The following FAM81B variants were observed in gnomAD, a reference collection of about 807,000 sequenced individuals.
The protein encoded by FAM81B is protein FAM81B.
FAM81B carries 60 observed loss-of-function variants against 58.7 expected under a neutral mutation model. The observed-to-expected ratio is 1.02, with a 90% CI of 0.83 to 1.27. FAM81B has a LOEUF of 1.27. Among genes scored for constraint, FAM81B ranks in the 50% most tolerant of loss-of-function variants. The pLI is 0.00. For missense variants in FAM81B, 491 were observed against 522.0 expected (o/e 0.94, Z 0.58); for synonymous variants, 189 against 179.6 (o/e 1.05, Z -0.42).
intron 6 of FAM81B, among the ~76,000 whole-genome samples, chr5:95,433,347 C>T (rs1455963077): frequency 6.6e-6 from 1 of 152,082 alleles, no homozygotes; most frequent in Admixed American, 6.6e-5. Flanking sequence ...CATCAGATCT[C>T]ATGAGAACTC....
chr5:95,428,189 A>G (rs1269805066), intron 5 of FAM81B, among the ~76,000 whole-genome samples: 1 of 152,214 alleles, frequency 6.6e-6, no homozygotes, highest in Non-Finnish European at 1.5e-5. Flanking sequence ...AAAAGAGGAT[A>G]AAGAGAGGAA....
chr5:95,449,202 T>C (rs1745700895), intron 9 of FAM81B, among the ~76,000 whole-genome samples: 1 of 152,214 alleles, frequency 6.6e-6, no homozygotes, highest in Admixed American at 6.5e-5. Context: ...AATTTGGTCC[T>C]GTATAGAGAT....
Position 95,420,398 on chromosome 5 carries a change from G to A in FAM81B, c.652G>A (p.Ala218Thr), listed in dbSNP as rs1762647112. The change falls in exon 5 of 10, where the codon GCC becomes ACC. Residue 218 changes from alanine to threonine, a missense_variant. Physicochemically the swap from Ala to Thr is moderately conservative, Grantham distance 58. Coordinates refer to ENST00000283357, the MANE Select transcript of FAM81B (RefSeq NM_152548.3). ...AGTTGGAGATCTTCGAGGAAGAGTAGCCAGGTGAGAAGAAGCATGTTGACT... is the reference window on the plus strand; with the variant it reads ...AGTTGGAGATCTTCGAGGAAGAGTAACCAGGTGAGAAGAAGCATGTTGACT... The part of the protein sequence containing the change: ...QGVGDLRGRV[A>T]RCDSSIVKLS... 1.2e-6 allele frequency: 2 copies of A among 1,613,580 alleles called. No individual in the cohort carries two copies. The highest frequency in any genetic ancestry group is 8.5e-7 in the Non-Finnish European group (1 of 1,179,596).
At chr5:95,400,306 C>G (rs1195336982) in intron 3 of FAM81B, among the ~76,000 whole-genome samples, 2 of 151,940 alleles carry the variant, frequency 1.3e-5, no homozygotes. Flanking sequence ...TTTGGGAGTC[C>G]CTGGCACTCC....
chr5:95,444,358 A>G (rs1745474973), intron 7 of FAM81B, among the ~76,000 whole-genome samples: 1 of 152,218 alleles, frequency 6.6e-6, no homozygotes, highest in African/African-American at 2.4e-5. Context: ...AATTTTGGAG[A>G]AAAATTAAGT....
chr5:95,421,462 G>A (rs892767500), intron 5 of FAM81B, among the ~76,000 whole-genome samples: 4 of 152,220 alleles, frequency 2.6e-5, no homozygotes, highest in African/African-American at 9.6e-5. Flanking sequence ...TGGGAGAATG[G>A]CATTTTGGTT....
At chr5:95,441,876 CTTGGCCATCAGGAAATAAAGCTGTCT>C (rs541361537) in intron 7 of FAM81B, among the ~76,000 whole-genome samples, 1 of 152,278 alleles carries the variant, frequency 6.6e-6, no homozygotes, top group East Asian at 1.9e-4. Flanking sequence ...CAGCAAGAGT[CTTGGCCATCAGGAAATAAAGCTGTCT>C]TTTAACAAGG....
chr5:95,416,039 A>G (rs1762531093), intron 4 of FAM81B, among the ~76,000 whole-genome samples: 2 of 152,324 alleles, frequency 1.3e-5, no homozygotes, highest in South Asian at 4.1e-4. Context: ...CTACAATCCT[A>G]TTAAGGGTTT....
intron 3 of FAM81B, among the ~76,000 whole-genome samples, chr5:95,412,536 C>G (rs532829255): frequency 6.6e-6 from 1 of 152,108 alleles, no homozygotes; most frequent in Non-Finnish European, 1.5e-5. Context: ...TATTTTTAAA[C>G]CATATGGGGT....
chr5:95,403,791 T>C (rs1018680701), intron 3 of FAM81B, among the ~76,000 whole-genome samples: 1 of 152,334 alleles, frequency 6.6e-6, no homozygotes, highest in South Asian at 2.1e-4. Context: ...AGAAGCCCCA[T>C]AGCAGGTTTC....
At chr5:95,436,372 G>T (rs1479955335) in intron 6 of FAM81B, among the ~76,000 whole-genome samples, 1 of 152,098 alleles carries the variant, frequency 6.6e-6, no homozygotes, top group East Asian at 1.9e-4. Context: ...AGTATTTGTT[G>T]AGCATTTACC....
intron 3 of FAM81B, among the ~76,000 whole-genome samples, chr5:95,412,333 G>A (rs1762427580): frequency 6.6e-6 from 1 of 152,140 alleles, no homozygotes; most frequent in South Asian, 2.1e-4. Context: ...CATTCCACAT[G>A]CACTCATATG....
At chr5:95,398,418 CTAAATAAATAAA>C (rs5869676) in intron 3 of FAM81B, among the ~76,000 whole-genome samples, 24 of 142,428 alleles carry the variant, frequency 1.7e-4, no homozygotes, top group East Asian at 4.1e-4. Context: ...AACTCAATCT[CTAAATAAATAAA>C]TAAATAAATA....
intron 3 of FAM81B, among the ~76,000 whole-genome samples, chr5:95,413,010 T>C (rs1306738834): frequency 6.6e-6 from 1 of 152,212 alleles, no homozygotes; most frequent in African/African-American, 2.4e-5. Flanking sequence ...GAGGAACCTC[T>C]ATATCGGCAA....
intron 7 of FAM81B, chr5:95,440,662 A>T: frequency 1.1e-6 from 1 of 876,420 alleles, no homozygotes; most frequent in Non-Finnish European, 1.6e-6. Flanking sequence ...CCAAGGACAG[A>T]CCACAGACTG....
At position 95,441,541 on chromosome 5, in the gene FAM81B, C is replaced by T. The variant is rs114872224; in HGVS notation, c.893+4635C>T. Among the ~76,000 whole-genome samples the T allele has an allele frequency of 5.7e-3, 859 of 151,932 alleles. 2 individuals are homozygous for T. Among genetic ancestry groups the T allele is most frequent in the South Asian group, 0.012 (58 of 4,792 alleles). ...CAGAGATCGTGCCACTCTCCTCCAG[C>T]CTGGCGACAGAGTGAGACTCTGTAT... is the stretch of plus-strand genomic sequence containing the variant. On this transcript the variant is annotated intron_variant, in intron 7 of 9. Transcript: ENST00000283357.
At chr5:95,424,856 T>C (rs534725779) in intron 5 of FAM81B, among the ~76,000 whole-genome samples, 1 of 152,204 alleles carries the variant, frequency 6.6e-6, no homozygotes, top group Non-Finnish European at 1.5e-5. Flanking sequence ...AAGTAAGGTA[T>C]AAAAACATTT....
Position 95,400,401 on chromosome 5 carries a change from CACATACAT to C in FAM81B, c.293+4254_293+4261del, listed in dbSNP as rs754629589. Among the ~76,000 whole-genome samples the C allele has an allele frequency of 1.7e-3, 254 of 147,582 alleles. 1 individual carries two copies. Among genetic ancestry groups the C allele is most frequent in the African/African-American group, 4.1e-3 (162 of 39,100 alleles). ...GTTTCTGTCTTCCTACAGCCACCTT[CACATACAT>C]ACATACATACATACATACATACATA... On this transcript the variant is annotated intron_variant, in intron 3 of 9. Coordinates refer to ENST00000283357, the MANE Select transcript of FAM81B (RefSeq NM_152548.3).
intron 5 of FAM81B, among the ~76,000 whole-genome samples, chr5:95,426,094 GTATATA>G (rs57076025): frequency 0.021 from 2,510 of 120,166 alleles, 117 homozygotes; most frequent in African/African-American, 0.077. Context: ...ATCTCTGTGT[GTATATA>G]TATATATATA....
Sources: gnomAD v4.1 joint callset for allele counts (sites outside exome capture counted in the v4.1 genomes callset) on GRCh38, gnomAD v4.1.1 for gene constraint, MANE v1.5 for transcripts, NCBI Gene and HGNC (gene_info 2026-07-23, HGNC 2026-07-21) for gene names.